SUMF2: variants seen among roughly 807,000 people sequenced by gnomAD.
The protein encoded by SUMF2 is sulfatase modifying factor 2, also known as inactive C-alpha-formylglycine-generating enzyme 2.
Under a neutral mutation model 44.8 loss-of-function variants are expected in SUMF2, and 45 were observed. The ratio of observed to expected loss-of-function variants is 1.00; its 90% CI spans 0.79 to 1.29. SUMF2 has a LOEUF of 1.29. Among genes scored for constraint, SUMF2 ranks in the 50% most tolerant of loss-of-function variants. The pLI, the probability that SUMF2 is intolerant of heterozygous loss-of-function variation, is 0.00. For missense variants in SUMF2, 418 were observed against 389.9 expected, an observed-to-expected ratio of 1.07 and a Z score of -0.61; for synonymous variants, 148 against 150.4, an observed-to-expected ratio of 0.98 and a Z score of 0.12.
At chr7:56,074,416 G>T (rs1244376344) in intron 4 of SUMF2, 170 bp from the exon 5 acceptor site, 1 of 1,023,914 alleles carries the variant, frequency 9.8e-7, no homozygotes, top group Non-Finnish European at 1.4e-6. Flanking sequence ...TCTCCCTTCA[G>T]CCTCCTGTAG....
intron 5 of SUMF2, among the ~76,000 whole-genome samples, chr7:56,075,677 C>T (rs1357032473): frequency 1.4e-5 from 2 of 145,760 alleles, no homozygotes; most frequent in Admixed American, 7.0e-5. Flanking sequence ...CCAGCCTGGG[C>T]GACAGAGTAA....
rs186995901 is a variant in SUMF2 at position 56,064,324 on chromosome 7, G to A, written c.13G>A (p.Gly5Arg). 1.9e-6 allele frequency: 3 copies of A among 1,597,800 alleles called. No individual in the cohort carries two copies. The highest frequency in any genetic ancestry group is 2.6e-6 in the Non-Finnish European group (3 of 1,172,778). ...CGCGGCAGTCCTGATGGCCCGGCATGGGTTACCGCTGCTGCCCCTGCTGTC... is the reference window on the plus strand; with the variant it reads ...CGCGGCAGTCCTGATGGCCCGGCATAGGTTACCGCTGCTGCCCCTGCTGTC... MARHGLPLLPLLSLL... is the reference protein window; with the variant it reads MARHRLPLLPLLSLL... The change falls in exon 1 of 9, where the codon GGG (glycine) becomes AGG (arginine). Residue 5 changes from glycine to arginine, a missense_variant. Transcript: ENST00000434526.
At chr7:56,081,671 C>T (rs1213424199), downstream of SUMF2, 9 of 1,613,656 alleles carry the variant, frequency 5.6e-6, no homozygotes, top group African/African-American at 1.3e-5. The surrounding 1 kb of genome is among the most constrained non-coding windows in gnomAD (Gnocchi z 4.6). Context: ...ACTTCCTCCA[C>T]CAAGTACTGC....
chr7:56,066,986 T>C (rs1206069770), intron 1 of SUMF2, among the ~76,000 whole-genome samples: 1 of 152,216 alleles, frequency 6.6e-6, no homozygotes, highest in African/African-American at 2.4e-5. Flanking sequence ...TTCAACTATT[T>C]GGCAATAATT....
rs374801147 is a variant in SUMF2, at chr7:56,079,585, C to A, written c.879C>A (p.Asp293Glu). Residue 293 changes from aspartate to glutamate, a missense_variant, in exon 9 of 9, where the codon GAC (aspartate) becomes GAA (glutamate). Coordinates refer to ENST00000434526, the MANE Select transcript of SUMF2 (RefSeq NM_015411.4). ...ACCTCGGTTTCCGCTGTGCTGCAGA[C>A]GCAGGCCGGCCGCCAGGGGAGCTGT... is the stretch of plus-strand genomic sequence containing the variant. ...SDNLGFRCAA[D>E]AGRPPGEL 3 of 1,614,184 alleles carry A rather than the reference C, an allele frequency of 1.9e-6. No homozygotes were observed. Among genetic ancestry groups the A allele is most frequent in the Middle Eastern group, 1.6e-4 (1 of 6,062 alleles).
chr7:56,076,899 A>G lies in SUMF2; in HGVS notation c.591+10A>G, dbSNP rs1211108887. 1.2e-6 allele frequency: 2 copies of G among 1,604,000 alleles called. No individual in the cohort carries two copies. Among genetic ancestry groups the G allele is most frequent in the Non-Finnish European group, 1.7e-6 (2 of 1,174,892 alleles). ...CACCAACCTGTGGCAGGTAAGACCT[A>G]CGTTCCTCCTTTCACCAAGCATTGA... is the stretch of plus-strand genomic sequence containing the variant. On this transcript the variant is annotated intron_variant, in intron 6 of 8. Transcript: ENST00000434526.
At chr7:56,087,566 AC>A in the SUMF2 span, 10 of 1,596,540 alleles carry the variant, frequency 6.3e-6, no homozygotes, top group Non-Finnish European at 7.7e-6. Flanking sequence ...ACAGGGGGGC[AC>A]CCTGCCGTGT....
At chr7:56,066,328 G>A (rs1482666802) in intron 1 of SUMF2, among the ~76,000 whole-genome samples, 3 of 152,168 alleles carry the variant, frequency 2.0e-5, no homozygotes, top group Middle Eastern at 3.2e-3. Context: ...GCACCGTAAA[G>A]AGACCTAAAT....
In SUMF2 at chr7:56,065,009, A is replaced by G. The variant is rs534568359; in HGVS notation, c.67+631A>G. 4.3e-3 allele frequency among the ~76,000 whole-genome samples: 639 copies of G among 150,058 alleles called. 7 individuals carry two copies. The highest frequency in any genetic ancestry group is 0.015 in the African/African-American group (614 of 40,790). ...AAATCGAGACCATCCTGGCTAACACAGTGAAACCCCGTCTCTACTAAAAAT... is the reference window on the plus strand; with the variant it reads ...AAATCGAGACCATCCTGGCTAACACGGTGAAACCCCGTCTCTACTAAAAAT... On this transcript the variant is annotated intron_variant, in intron 1 of 8. Transcript: ENST00000434526.
At chr7:56,080,838 G>A (rs1795936498), downstream of SUMF2, 1 of 599,098 alleles carries the variant, frequency 1.7e-6, no homozygotes, top group Non-Finnish European at 2.9e-6. Context: ...CCCACCCAGG[G>A]CCTGCCCCAG....
chr7:56,085,080 C>A (rs368819011), downstream of SUMF2, among the ~76,000 whole-genome samples: 5 of 152,078 alleles, frequency 3.3e-5, no homozygotes, highest in East Asian at 9.7e-4. Flanking sequence ...TGTGCCTCAT[C>A]CTCCTGAGTG....
chr7:56,078,303 A>C, intron 7 of SUMF2, 61 bp from the exon 8 acceptor site: 1 of 1,560,466 alleles, frequency 6.4e-7, no homozygotes, highest in South Asian at 1.2e-5. Flanking sequence ...CCAGGACCTC[A>C]GAGGGTAGGC....
At chr7:56,081,809 T>C (rs1796011058), downstream of SUMF2, 1 of 1,608,540 alleles carries the variant, frequency 6.2e-7, no homozygotes, top group African/African-American at 1.3e-5. The surrounding 1 kb of genome is among the most constrained non-coding windows in gnomAD (Gnocchi z 4.6). Context: ...CCCTCCAGCA[T>C]GTCAGGAAAG....
chr7:56,081,832 C>A, downstream of SUMF2: 1 of 1,608,360 alleles, frequency 6.2e-7, no homozygotes, highest in East Asian at 2.2e-5. The surrounding 1 kb of genome is among the most constrained non-coding windows in gnomAD (Gnocchi z 4.6). Flanking sequence ...AGGGCCTCCC[C>A]GGGCAGGGGC....
At chr7:56,073,512 C>T (rs1795316363) in intron 3 of SUMF2, 1 of 297,338 alleles carries the variant, frequency 3.4e-6, no homozygotes, top group East Asian at 7.7e-5. Flanking sequence ...GGCATGGTGG[C>T]ACGCTCCTGT....
Position 56,079,702 on chromosome 7 carries a change from C to T in SUMF2, c.*90C>T. On this transcript the variant is annotated 3_prime_UTR_variant, in exon 9 of 9. Coordinates refer to ENST00000434526, the MANE Select transcript of SUMF2 (RefSeq NM_015411.4). ...AACAGCGCAATTCCAAGCTCGAGAGCTTCAGCCTCAGGAAAGAACTTCCCC... is the reference window on the plus strand; with the variant it reads ...AACAGCGCAATTCCAAGCTCGAGAGTTTCAGCCTCAGGAAAGAACTTCCCC... 6.2e-7 allele frequency: 1 copy of T among 1,612,436 alleles called. No individual in the cohort carries two copies.
chr7:56,068,719 T>G (rs1794975936), intron 2 of SUMF2, 81 bp downstream of exon 2: 1 of 1,486,528 alleles, frequency 6.7e-7, no homozygotes, highest in African/African-American at 1.4e-5. Flanking sequence ...TTTTTTGTTT[T>G]TTGAGACTGA....
intron 2 of SUMF2, among the ~76,000 whole-genome samples, chr7:56,070,509 A>G (rs1404525332): frequency 6.6e-6 from 1 of 152,022 alleles, no homozygotes; most frequent in Non-Finnish European, 1.5e-5. Context: ...ACACACTTGT[A>G]GTCTCAGCTA....
the SUMF2 span, chr7:56,087,781 G>C: frequency 1.2e-6 from 2 of 1,608,666 alleles, no homozygotes; most frequent in East Asian, 2.2e-5. Flanking sequence ...ACGCCCCTGG[G>C]AGTGCAGAGG....
Sources: allele counts gnomAD v4.1 joint callset (sites outside exome capture counted in the v4.1 genomes callset), GRCh38; gene constraint gnomAD v4.1.1; non-coding constraint Gnocchi (gnomAD v3.1); transcripts MANE v1.5; gene names NCBI Gene and HGNC (gene_info 2026-07-23, HGNC 2026-07-21).